PDE12: variants seen among roughly 807,000 people sequenced by gnomAD.
PDE12 encodes phosphodiesterase 12.
PDE12 carries 26 observed loss-of-function variants against 45.4 expected under a neutral mutation model. That is an observed-to-expected ratio of 0.57 (90% CI 0.42 to 0.79). PDE12 has a LOEUF of 0.79. Ranked by LOEUF, PDE12 falls within the 30% of genes least tolerant of loss-of-function variation. PDE12 has a pLI of 0.00. For missense variants in PDE12, 668 were observed against 790.0 expected, an observed-to-expected ratio of 0.85 and a Z score of 1.85; for synonymous variants, 283 against 323.9, an observed-to-expected ratio of 0.87 and a Z score of 1.36.
chr3:57,646,463 T>A, the PDE12 span: 1 of 1,586,318 alleles, frequency 6.3e-7, no homozygotes, highest in Non-Finnish European at 8.6e-7. Context: ...ACAGTAGAAA[T>A]ACTTTTTAAT....
At chr3:57,633,941 G>A in the PDE12 span, among the ~76,000 whole-genome samples, 6 of 150,978 alleles carry the variant, frequency 4.0e-5, no homozygotes, top group African/African-American at 1.5e-4. Context: ...TTTTATATTT[G>A]CTATACTATA....
chr3:57,585,859 A>G, the PDE12 span, among the ~76,000 whole-genome samples: 2 of 151,988 alleles, frequency 1.3e-5, no homozygotes, highest in Non-Finnish European at 2.9e-5. Context: ...ACGGGGTTTC[A>G]CCATGTTGGC....
the PDE12 span, among the ~76,000 whole-genome samples, chr3:57,610,103 C>G: frequency 6.6e-6 from 1 of 152,080 alleles, no homozygotes; most frequent in African/African-American, 2.4e-5. Flanking sequence ...TAAACGTAAT[C>G]CAGCATATAA....
chr3:57,641,927 G>T, the PDE12 span, among the ~76,000 whole-genome samples: 133 of 152,022 alleles, frequency 8.7e-4, no homozygotes, highest in Middle Eastern at 6.8e-3. Context: ...ATAAAAAGAC[G>T]AAAGGACACG....
At chr3:57,571,692 AATGT>A (rs2069844415), downstream of PDE12, 1 of 153,078 alleles carries the variant, frequency 6.5e-6, no homozygotes, top group African/African-American at 2.4e-5. Context: ...GCCAGGAGTC[AATGT>A]AGGGGGAAAA....
the PDE12 span, among the ~76,000 whole-genome samples, chr3:57,620,235 GAA>G: frequency 6.6e-6 from 1 of 151,988 alleles, no homozygotes; most frequent in Admixed American, 6.6e-5. Flanking sequence ...AAAACAGAAA[GAA>G]AAATTTAATG....
At chr3:57,604,626 T>A in the PDE12 span, among the ~76,000 whole-genome samples, 4 of 32,020 alleles carry the variant, frequency 1.2e-4, no homozygotes, top group African/African-American at 5.9e-4. Flanking sequence ...TTGGGGGGGG[T>A]GGGTGGGACA....
At chr3:57,624,177 G>C in the PDE12 span, among the ~76,000 whole-genome samples, 1 of 150,960 alleles carries the variant, frequency 6.6e-6, no homozygotes, top group Non-Finnish European at 1.5e-5. Flanking sequence ...TTGAGGCGGA[G>C]TCTCGCTCTG....
At chr3:57,645,625 G>A in the PDE12 span, 12 of 1,493,646 alleles carry the variant, frequency 8.0e-6, no homozygotes, top group Non-Finnish European at 1.1e-5. Flanking sequence ...TGGTTATAAA[G>A]GTAATACCTG....
chr3:57,617,059 T>C, the PDE12 span, among the ~76,000 whole-genome samples: 4 of 151,580 alleles, frequency 2.6e-5, no homozygotes, highest in African/African-American at 9.7e-5. Context: ...CAAACCAGTA[T>C]GTCTCATGAA....
the PDE12 span, among the ~76,000 whole-genome samples, chr3:57,574,805 G>C: frequency 6.6e-6 from 1 of 152,040 alleles, no homozygotes; most frequent in Non-Finnish European, 1.5e-5. Context: ...GATTGCTTGA[G>C]TCCAGGAGTT....
At chr3:57,594,913 C>T in the PDE12 span, among the ~76,000 whole-genome samples, 1 of 152,182 alleles carries the variant, frequency 6.6e-6, no homozygotes, top group Non-Finnish European at 1.5e-5. Context: ...ATATCTCCCT[C>T]GTACGTTGAT....
chr3:57,654,896 T>C, the PDE12 span: 7 of 672,538 alleles, frequency 1.0e-5, no homozygotes, highest in African/African-American at 1.4e-4. Flanking sequence ...AAACGTGAAA[T>C]GTAAGCTCTA....
downstream of PDE12, among the ~76,000 whole-genome samples, chr3:57,567,462 G>T (rs923736566): frequency 5.9e-5 from 9 of 152,136 alleles, no homozygotes; most frequent in African/African-American, 2.2e-4. Flanking sequence ...TTCTTTGCCT[G>T]TGTCTAGATA....
the PDE12 span, among the ~76,000 whole-genome samples, chr3:57,618,992 T>G: frequency 6.6e-6 from 1 of 152,226 alleles, no homozygotes; most frequent in African/African-American, 2.4e-5. Flanking sequence ...AATAATTTGA[T>G]AAATACATTT....
At chr3:57,572,548 T>C in the PDE12 span, among the ~76,000 whole-genome samples, 20 of 152,034 alleles carry the variant, frequency 1.3e-4, no homozygotes, top group South Asian at 2.1e-4. Flanking sequence ...TGGTGAGACT[T>C]TGTCTCTACT....
At chr3:57,577,204 C>T in the PDE12 span, 2 of 830,238 alleles carry the variant, frequency 2.4e-6, no homozygotes, top group East Asian at 2.5e-5. Context: ...TTATTTCTAG[C>T]CCCCCCAATC....
At chr3:57,585,983 T>G in the PDE12 span, among the ~76,000 whole-genome samples, 9 of 152,174 alleles carry the variant, frequency 5.9e-5, no homozygotes, top group Non-Finnish European at 1.2e-4. Flanking sequence ...AATGATTCAG[T>G]TGAGGCAGAA....
At chr3:57,614,395 G>GA in the PDE12 span, among the ~76,000 whole-genome samples, 30 of 151,606 alleles carry the variant, frequency 2.0e-4, no homozygotes, top group Admixed American at 3.3e-4. Context: ...TGTGTTTTTA[G>GA]AAAAAAAATT....
Sources: gnomAD v4.1 joint callset for allele counts (sites outside exome capture counted in the v4.1 genomes callset) on GRCh38, gnomAD v4.1.1 for gene constraint, MANE v1.5 for transcripts, NCBI Gene and HGNC (gene_info 2026-07-23, HGNC 2026-07-21) for gene names.